Variants in PHF21A observed in about 807,000 individuals in gnomAD.
PHF21A encodes BHC80a.
In PHF21A, 11 loss-of-function variants were observed where a neutral mutation model predicts 82.5. The observed-to-expected ratio is 0.13, with a 90% CI of 0.08 to 0.22. The LOEUF is 0.22. PHF21A is among the 10% of genes least tolerant of loss of function. The pLI is 1.00. For synonymous variants in PHF21A, 297 were observed against 302.8 expected, an observed-to-expected ratio of 0.98 and a Z score of 0.20; for missense variants, 579 against 837.8, an observed-to-expected ratio of 0.69 and a Z score of 3.81.
At chr11:45,983,565 T>C (rs570862219) in intron 6 of PHF21A, among the ~76,000 whole-genome samples, 1 of 152,296 alleles carries the variant, frequency 6.6e-6, no homozygotes, top group East Asian at 1.9e-4. Flanking sequence ...TATAGATGAC[T>C]GCACTTAGAA....
At chr11:46,092,256 C>T (rs2096934228) in intron 1 of PHF21A, 33 bp from the exon 2 acceptor site, 1 of 152,034 alleles carries the variant, frequency 6.6e-6, no homozygotes, top group South Asian at 2.1e-4. Flanking sequence ...TGGAATTAGA[C>T]AACACACACA....
In PHF21A at chr11:45,975,377, T is replaced by TAAAATAAAAC. The variant is rs748967157; in HGVS notation, c.361-4011_361-4010insGTTTTATTTT. On this transcript the variant is annotated intron_variant, in intron 7 of 18. Transcript: ENST00000676320. ...TAAAATAAAATAAAATAAAATAAAA[T>TAAAATAAAAC]AAAACAAAACAAAATAAAATAAAAC... Among the ~76,000 whole-genome samples, 478 of 130,462 alleles carry TAAAATAAAAC rather than the reference T, an allele frequency of 3.7e-3. 5 individuals carry two copies. The highest frequency in any genetic ancestry group is 0.012 in the Middle Eastern group (3 of 258). 85.6% of individuals were successfully genotyped at this position (130,462 alleles called of 152,430 possible).
At chr11:46,008,852 C>T (rs1336519630) in intron 6 of PHF21A, among the ~76,000 whole-genome samples, 1 of 152,078 alleles carries the variant, frequency 6.6e-6, no homozygotes, top group Non-Finnish European at 1.5e-5. Flanking sequence ...CTTGTCAACC[C>T]TATCCACTCC....
chr11:45,980,424 C>T (rs1482620776), intron 6 of PHF21A, among the ~76,000 whole-genome samples: 1 of 152,104 alleles, frequency 6.6e-6, no homozygotes, highest in Non-Finnish European at 1.5e-5. Flanking sequence ...TTAACAGTAC[C>T]CTTGAGGTTC....
In PHF21A at chr11:46,076,871, A is replaced by T. The variant is rs1315747301; in HGVS notation, c.88-52T>A. On this transcript the variant is annotated intron_variant, in intron 5 of 18. Transcript: ENST00000676320. The stretch of plus-strand genomic sequence containing the variant: ...AGAAAGATATTTCATTTGTTAACAG[A>T]ATAGTAGCAGGAAGACTATGCATAC... 2.8e-6 allele frequency: 4 copies of T among 1,424,072 alleles called. No individual in the cohort carries two copies. The African/African-American group carries it at 5.6e-5, about 20-fold the overall frequency. 88.2% of individuals were successfully genotyped at this position (1,424,072 alleles called of 1,614,324 possible).
chr11:46,096,235 T>TC (rs1182389167), intron 1 of PHF21A, among the ~76,000 whole-genome samples: 1 of 151,800 alleles, frequency 6.6e-6, no homozygotes, highest in Non-Finnish European at 1.5e-5. Flanking sequence ...GCATCAATTT[T>TC]CCCCTCATCA....
At chr11:46,068,803 G>A (rs146214688) in intron 6 of PHF21A, among the ~76,000 whole-genome samples, 100 of 152,248 alleles carry the variant, frequency 6.6e-4, no homozygotes, top group South Asian at 4.6e-3. Flanking sequence ...CCAAAAATAC[G>A]TTATTAGGAT....
chr11:45,987,803 A>G (rs2094548929), intron 6 of PHF21A, among the ~76,000 whole-genome samples: 1 of 152,144 alleles, frequency 6.6e-6, no homozygotes, highest in African/African-American at 2.4e-5. Context: ...TGTTTACAGA[A>G]CACCGCTGCA....
chr11:46,008,971 CTTTT>C (rs368337006), intron 6 of PHF21A, among the ~76,000 whole-genome samples: 3 of 111,580 alleles, frequency 2.7e-5, no homozygotes, highest in Admixed American at 1.0e-4. Flanking sequence ...TCACATTTCA[CTTTT>C]TTTTTTTTTT....
At chr11:46,028,091 A>AT (rs71451628) in intron 6 of PHF21A, among the ~76,000 whole-genome samples, 1,764 of 146,718 alleles carry the variant, frequency 0.012, 26 homozygotes, top group Non-Finnish European at 0.014. Context: ...TCTGGGGACA[A>AT]TTTTTTTTTT....
intron 15 of PHF21A, among the ~76,000 whole-genome samples, chr11:45,943,823 C>T (rs1317707992): frequency 1.3e-5 from 2 of 152,154 alleles, no homozygotes; most frequent in African/African-American, 4.8e-5. Flanking sequence ...ACTGACAACA[C>T]GTGCCCCCTG....
chr11:46,120,100 G>T (rs1852688136), intron 1 of PHF21A, among the ~76,000 whole-genome samples: 1 of 149,704 alleles, frequency 6.7e-6, no homozygotes, highest in Non-Finnish European at 1.5e-5. Context: ...ACGCTGCTCC[G>T]GCCACCCAAG....
At chr11:46,077,580 A>G (rs1370065170) in intron 5 of PHF21A, among the ~76,000 whole-genome samples, 1 of 152,140 alleles carries the variant, frequency 6.6e-6, no homozygotes, top group African/African-American at 2.4e-5. Flanking sequence ...CAATTCTTTC[A>G]ATTTACCCTG....
At chr11:45,990,269 T>C (rs2094642650) in intron 6 of PHF21A, among the ~76,000 whole-genome samples, 1 of 115,854 alleles carries the variant, frequency 8.6e-6, no homozygotes, top group African/African-American at 3.6e-5. Context: ...TTTTTTTTTT[T>C]TTTTTTTCAA....
chr11:46,073,048 CACTTCAGCATT>C (rs2096672898), intron 6 of PHF21A, among the ~76,000 whole-genome samples: 1 of 152,014 alleles, frequency 6.6e-6, no homozygotes, highest in African/African-American at 2.4e-5. Flanking sequence ...GTTGCTTCCA[CACTTCAGCATT>C]ACATCACGCC....
chr11:46,011,276 G>A (rs1017160927), intron 6 of PHF21A, among the ~76,000 whole-genome samples: 15 of 152,166 alleles, frequency 9.9e-5, no homozygotes, highest in African/African-American at 3.6e-4. Context: ...ATCACCTGAG[G>A]TCAGGAGTTC....
chr11:46,074,409 T>C (rs2096698017), intron 6 of PHF21A, among the ~76,000 whole-genome samples: 1 of 147,418 alleles, frequency 6.8e-6, no homozygotes, highest in African/African-American at 2.5e-5. Flanking sequence ...GTTATTAAAG[T>C]GGAAGGAAAA....
At chr11:46,095,089 T>C (rs1023885456) in intron 1 of PHF21A, among the ~76,000 whole-genome samples, 1 of 152,160 alleles carries the variant, frequency 6.6e-6, no homozygotes, top group Non-Finnish European at 1.5e-5. Flanking sequence ...AAGAGGAAAT[T>C]ATTTTTAGAC....
chr11:46,103,721 C>T (rs1245559324), intron 1 of PHF21A, among the ~76,000 whole-genome samples: 2 of 152,172 alleles, frequency 1.3e-5, no homozygotes, highest in South Asian at 2.1e-4. Flanking sequence ...TTTTGGTAAG[C>T]TATTACAAAT....
Sources: gnomAD v4.1 joint callset for allele counts (sites outside exome capture counted in the v4.1 genomes callset) on GRCh38, gnomAD v4.1.1 for gene constraint, MANE v1.5 for transcripts, NCBI Gene and HGNC (gene_info 2026-07-23, HGNC 2026-07-21) for gene names.